DIPK1A: variants seen among roughly 807,000 people sequenced by gnomAD.
DIPK1A encodes family with sequence similarity 69 member A.
A neutral mutation model predicts 40.8 loss-of-function variants in DIPK1A; 27 were observed. The ratio of observed to expected loss-of-function variants is 0.66; its 90% CI spans 0.49 to 0.91. The LOEUF (loss-of-function observed/expected upper bound fraction) is 0.91. DIPK1A is among the 40% of genes least tolerant of loss of function. The probability of loss-of-function intolerance (pLI) is 0.00; values close to 1 mark genes in which losing one functional copy is unlikely to be tolerated. For missense variants in DIPK1A, 412 were observed against 505.7 expected (o/e 0.81, Z 1.78); for synonymous variants, 166 against 171.3 (o/e 0.97, Z 0.24).
At chr1:92,863,026 C>T (rs1647351051) in intron 2 of DIPK1A, among the ~76,000 whole-genome samples, 1 of 152,180 alleles carries the variant, frequency 6.6e-6, no homozygotes, top group Non-Finnish European at 1.5e-5. Flanking sequence ...TTGGGATATA[C>T]TTATACTCAA....
intron 1 of DIPK1A, among the ~76,000 whole-genome samples, chr1:92,927,364 GTTTTTTTTT>G (rs61508867): frequency 1.9e-5 from 2 of 104,670 alleles, no homozygotes; most frequent in Non-Finnish European, 3.9e-5. Context: ...CAATTTTGTT[GTTTTTTTTT>G]TTTTTTTTTT....
chr1:92,865,858 CTTGA>C (rs550153601), intron 2 of DIPK1A, among the ~76,000 whole-genome samples: 273 of 152,158 alleles, frequency 1.8e-3, no homozygotes, highest in Non-Finnish European at 3.4e-3. Flanking sequence ...AAACGATATA[CTTGA>C]TTAATAGATT....
At chr1:92,926,997 A>C (rs1650540795) in intron 1 of DIPK1A, among the ~76,000 whole-genome samples, 1 of 151,924 alleles carries the variant, frequency 6.6e-6, no homozygotes, top group African/African-American at 2.4e-5. Context: ...ATTTGGCTGG[A>C]TTTGGCTGGA....
chr1:92,838,675 T>C (rs958505430), downstream of DIPK1A, among the ~76,000 whole-genome samples: 2 of 152,244 alleles, frequency 1.3e-5, no homozygotes, highest in African/African-American at 2.4e-5. Flanking sequence ...AGGTGGTCTT[T>C]ACCTCAATTC....
intron 1 of DIPK1A, among the ~76,000 whole-genome samples, chr1:92,954,868 C>CA (rs1164194807): frequency 1.3e-5 from 2 of 152,060 alleles, no homozygotes; most frequent in African/African-American, 2.4e-5. Flanking sequence ...GGGCACTCCA[C>CA]AAAAAAACCT....
intron 1 of DIPK1A, among the ~76,000 whole-genome samples, chr1:92,898,599 T>A (rs6700585): frequency 2.0e-5 from 3 of 151,852 alleles, no homozygotes; most frequent in Admixed American, 1.3e-4. Context: ...CTCAGCCTCC[T>A]GAGTAGCTGG....
intron 1 of DIPK1A, among the ~76,000 whole-genome samples, chr1:92,939,200 C>T (rs1292779207): frequency 6.6e-6 from 1 of 152,168 alleles, no homozygotes; most frequent in Non-Finnish European, 1.5e-5. Context: ...CCACGCCTGG[C>T]CTTCCATTTT....
chr1:92,862,718 G>A (rs552257023), intron 2 of DIPK1A, among the ~76,000 whole-genome samples: 33 of 152,212 alleles, frequency 2.2e-4, no homozygotes, highest in African/African-American at 7.2e-4. Context: ...GGTAAAAGGC[G>A]AACTCCTTAC....
At chr1:92,893,569 C>A (rs974497397) in intron 1 of DIPK1A, among the ~76,000 whole-genome samples, 39 of 151,772 alleles carry the variant, frequency 2.6e-4, no homozygotes, top group Admixed American at 9.2e-4. Context: ...TAAAGACCAT[C>A]GAGGCTAGGA....
intron 2 of DIPK1A, among the ~76,000 whole-genome samples, chr1:92,868,925 C>T (rs1647695475): frequency 2.0e-5 from 3 of 148,516 alleles, no homozygotes; most frequent in South Asian, 4.3e-4. Context: ...GAGATCGTGC[C>T]ACTGCACTCC....
chr1:92,879,439 G>T (rs569933222), intron 1 of DIPK1A, among the ~76,000 whole-genome samples: 1 of 152,256 alleles, frequency 6.6e-6, no homozygotes, highest in South Asian at 2.1e-4. Context: ...TTTAAATGGA[G>T]AAAAACCCTA....
intron 1 of DIPK1A, among the ~76,000 whole-genome samples, chr1:92,886,647 TAACA>T (rs1648614110): frequency 6.6e-6 from 1 of 152,188 alleles, no homozygotes; most frequent in Non-Finnish European, 1.5e-5. Context: ...TGGATAGTGA[TAACA>T]AACAATATTA....
chr1:92,834,741 A>G, intron 4 of DIPK1A: 2 of 1,611,404 alleles, frequency 1.2e-6, no homozygotes, highest in South Asian at 2.2e-5. Context: ...AGACAGTGAA[A>G]GCAACAGATT....
chr1:92,921,799 C>T (rs1208441487), intron 1 of DIPK1A, among the ~76,000 whole-genome samples: 1 of 152,142 alleles, frequency 6.6e-6, no homozygotes, highest in Non-Finnish European at 1.5e-5. Flanking sequence ...AGGAAAGGGA[C>T]CAGGAGTTCT....
Position 92,917,110 on chromosome 1 carries a change from T to C in DIPK1A, c.55-40680A>G, listed in dbSNP as rs553895461. ...GTTGTTAACATAGTTTTTATAATAG[T>C]CATTTTCAGTGTTGCAATAATATTC... is the stretch of plus-strand genomic sequence containing the variant. On this transcript the variant is annotated intron_variant, in intron 1 of 4. Transcript: ENST00000370310. Among the ~76,000 whole-genome samples the C allele has an allele frequency of 2.0e-5, 3 of 152,352 alleles. No homozygotes were observed. The South Asian group carries it at 6.2e-4, about 32-fold the overall frequency.
intron 1 of DIPK1A, among the ~76,000 whole-genome samples, chr1:92,945,832 AG>A (rs1253184789): frequency 1.3e-5 from 2 of 152,222 alleles, no homozygotes; most frequent in African/African-American, 4.8e-5. Context: ...AAGTGTAACC[AG>A]GTAATTATTG....
exon 5 of DIPK1A, chr1:92,832,804 T>G (rs1193673167): frequency 5.2e-6 from 3 of 573,840 alleles, no homozygotes; most frequent in Non-Finnish European, 6.2e-6. Context: ...CAGTGCTGTT[T>G]TAGTGGGGGA....
chr1:92,843,064 A>C lies in DIPK1A; in HGVS notation c.*319T>G. 1.9e-6 allele frequency: 2 copies of C among 1,025,900 alleles called. No individual in the cohort carries two copies. The highest frequency in any genetic ancestry group is 2.3e-6 in the Non-Finnish European group (2 of 856,752). The allele number at this position is 1,025,900 out of a possible 1,614,324, so 63.5% of individuals were successfully genotyped here. Reference sequence around the variant, plus strand: ...CAGCATTGGTATTTTGGCTAAGGTAAATCTACAAATCACTCACTGTTGATG... The same window carrying C: ...CAGCATTGGTATTTTGGCTAAGGTACATCTACAAATCACTCACTGTTGATG... On this transcript the variant is annotated 3_prime_UTR_variant, in exon 5 of 5. Transcript: ENST00000370310.
chr1:92,837,357 T>C (rs1455204565), downstream of DIPK1A: 1 of 1,024,002 alleles, frequency 9.8e-7, no homozygotes, highest in East Asian at 2.4e-5. Flanking sequence ...GATGCGATAA[T>C]TGTTTCAAGA....
Sources: gnomAD v4.1 joint callset for allele counts (sites outside exome capture counted in the v4.1 genomes callset) on GRCh38, gnomAD v4.1.1 for gene constraint, MANE v1.5 for transcripts, NCBI Gene and HGNC (gene_info 2026-07-23, HGNC 2026-07-21) for gene names.